TMPRSS15: variants seen among roughly 807,000 people sequenced by gnomAD.
TMPRSS15 encodes transmembrane serine protease 15, also known as enteropeptidase.
Under a neutral mutation model 125.3 loss-of-function variants are expected in TMPRSS15, and 128 were observed. That is an observed-to-expected ratio of 1.02 (90% CI 0.89 to 1.18). The LOEUF (loss-of-function observed/expected upper bound fraction) is 1.18. Ranked by LOEUF, TMPRSS15 falls within the 50% of genes most tolerant of loss-of-function variation. The probability of loss-of-function intolerance (pLI) is 0.00; values close to 1 mark genes in which losing one functional copy is unlikely to be tolerated. For synonymous variants in TMPRSS15, 446 were observed against 423.2 expected (o/e 1.05, Z -0.66); for missense variants, 1,283 against 1,212.7 (o/e 1.06, Z -0.86).
chr21:18,369,400 G>A (rs1321019751), intron 6 of TMPRSS15, among the ~76,000 whole-genome samples: 1 of 152,118 alleles, frequency 6.6e-6, no homozygotes, highest in Non-Finnish European at 1.5e-5. Flanking sequence ...TGGCTTAAAG[G>A]CTGTGAATCA....
At chr21:18,313,203 C>A in intron 17 of TMPRSS15, 126 bp from the exon 18 acceptor site, 1 of 746,822 alleles carries the variant, frequency 1.3e-6, no homozygotes, top group Non-Finnish European at 2.4e-6. Context: ...ATCTCTTGCA[C>A]AGCACTGTGA....
chr21:18,275,567 T>C (rs538451916), intron 23 of TMPRSS15, among the ~76,000 whole-genome samples: 2 of 152,208 alleles, frequency 1.3e-5, no homozygotes, highest in East Asian at 1.9e-4. Flanking sequence ...GAAGGGCTAG[T>C]AGGAGCGATG....
intron 1 of TMPRSS15, 44 bp downstream of exon 1, chr21:18,403,434 A>C: frequency 2.5e-6 from 4 of 1,613,674 alleles, no homozygotes; most frequent in South Asian, 2.2e-5. Flanking sequence ...AAGTGTGTAC[A>C]TTCAGCTGAG....
At chr21:18,353,559 C>T (rs890808589) in intron 9 of TMPRSS15, among the ~76,000 whole-genome samples, 164 bp downstream of exon 9, 4 of 151,620 alleles carry the variant, frequency 2.6e-5, no homozygotes, top group Non-Finnish European at 4.4e-5. Flanking sequence ...AAACCATTGT[C>T]CAATTTCTCA....
At chr21:18,420,432 CTTCAATAT>C in intron 1 of TMPRSS15, among the ~76,000 whole-genome samples, 1 of 42,456 alleles carries the variant, frequency 2.4e-5, no homozygotes. Context: ...AGGGAAAGAT[CTTCAATAT>C]TTGGAAGTAT....
chr21:18,383,702 T>C lies in TMPRSS15; in HGVS notation c.421A>G (p.Ile141Val), dbSNP rs367982925. Residue 141 changes from isoleucine to valine, a missense_variant, in exon 4 of 25, where the codon ATT becomes GTT. Physicochemically the swap from Ile to Val is conservative, Grantham distance 29 (BLOSUM62 3). Transcript: ENST00000284885. ...GATTTATTTGCTTCAAGGCCTTGAA[T>C]CAGTTCTTCTTTTACATTTTCATCT... ...VSDENVKEEL[I>V]QGLEANKSSQ... 6.2e-7 allele frequency: 1 copy of C among 1,614,018 alleles called. No individual in the cohort carries two copies. The highest frequency in any genetic ancestry group is 1.3e-5 in the African/African-American group (1 of 75,064).
At chr21:18,479,727 G>A (rs1469267113) in intron 1 of TMPRSS15, among the ~76,000 whole-genome samples, 1 of 151,984 alleles carries the variant, frequency 6.6e-6, no homozygotes, top group African/African-American at 2.4e-5. Context: ...TCATTAAAAA[G>A]TCAGGAAACA....
At position 18,372,210 on chromosome 21, in the gene TMPRSS15, T is replaced by G; in HGVS notation, c.647A>C (p.Glu216Ala). 1 of 1,610,422 alleles carries G rather than the reference T, an allele frequency of 6.2e-7. No individual in the cohort carries two copies. Residue 216 changes from glutamate to alanine, a missense_variant, in exon 6 of 25, where the codon GAA becomes GCA. By Grantham distance (107) the Glu-to-Ala change is moderately radical. Transcript: ENST00000284885. Reference sequence around the variant, plus strand: ...GAACTTACCACACATTTTATTGTCTTCGTCAGAACCATCTGGACAGTTTAC... The same window carrying G: ...GAACTTACCACACATTTTATTGTCTGCGTCAGAACCATCTGGACAGTTTAC... ...GEVNCPDGSDEDNKMCATVCD... is the reference protein window; with the variant it reads ...GEVNCPDGSDADNKMCATVCD...
At chr21:18,412,040 A>T (rs2076167258) in intron 1 of TMPRSS15, among the ~76,000 whole-genome samples, 1 of 152,120 alleles carries the variant, frequency 6.6e-6, no homozygotes, top group Non-Finnish European at 1.5e-5. Flanking sequence ...TGTTCTTCCC[A>T]ATCAGCTGCT....
At chr21:18,407,074 T>A (rs1435921022), upstream of TMPRSS15, among the ~76,000 whole-genome samples, 1 of 152,056 alleles carries the variant, frequency 6.6e-6, no homozygotes, top group Non-Finnish European at 1.5e-5. Context: ...GAAAAGAAAA[T>A]CATTTGTTTA....
chr21:18,284,613 G>A (rs765957292), intron 21 of TMPRSS15, among the ~76,000 whole-genome samples: 1 of 152,158 alleles, frequency 6.6e-6, no homozygotes, highest in Non-Finnish European at 1.5e-5. Flanking sequence ...CTCTTTTCTA[G>A]TAAAGGAAGG....
intron 7 of TMPRSS15, among the ~76,000 whole-genome samples, chr21:18,363,673 A>G (rs1359465558): frequency 2.0e-5 from 3 of 152,236 alleles, no homozygotes; most frequent in Admixed American, 1.3e-4. Flanking sequence ...GACCAATGCT[A>G]ATAGACATTT....
intron 5 of TMPRSS15, among the ~76,000 whole-genome samples, chr21:18,377,446 C>G (rs1164390808): frequency 6.6e-6 from 1 of 151,862 alleles, no homozygotes; most frequent in Non-Finnish European, 1.5e-5. Context: ...TCCTCCTGCT[C>G]CTTCTCAGTG....
intron 5 of TMPRSS15, among the ~76,000 whole-genome samples, chr21:18,372,579 C>T (rs1009900474): frequency 2.2e-4 from 33 of 152,136 alleles, no homozygotes; most frequent in African/African-American, 7.5e-4. Flanking sequence ...TACTCATAAG[C>T]TTATTATTTG....
intron 8 of TMPRSS15, among the ~76,000 whole-genome samples, chr21:18,355,372 G>C (rs889570509): frequency 6.6e-6 from 1 of 151,770 alleles, no homozygotes; most frequent in Non-Finnish European, 1.5e-5. Flanking sequence ...TAATAGAACT[G>C]TGCTAGTCTA....
intron 24 of TMPRSS15, among the ~76,000 whole-genome samples, chr21:18,272,138 C>T (rs1317175672): frequency 6.6e-6 from 1 of 152,114 alleles, no homozygotes; most frequent in Non-Finnish European, 1.5e-5. Flanking sequence ...GAGGAATTGC[C>T]ACGCTGTCTT....
At chr21:18,362,723 AT>A (rs1187888675) in intron 7 of TMPRSS15, among the ~76,000 whole-genome samples, 4 of 152,158 alleles carry the variant, frequency 2.6e-5, no homozygotes, top group Admixed American at 2.6e-4. Flanking sequence ...TTTATTGAGC[AT>A]TTAATATGTG....
intron 1 of TMPRSS15, among the ~76,000 whole-genome samples, chr21:18,416,928 G>T (rs1177997658): frequency 6.6e-6 from 1 of 151,988 alleles, no homozygotes; most frequent in African/African-American, 2.4e-5. Flanking sequence ...CAGATTTTGA[G>T]ATACACCATG....
At chr21:18,365,574 TTCTC>T (rs10655380) in intron 6 of TMPRSS15, among the ~76,000 whole-genome samples, 8 of 100,270 alleles carry the variant, frequency 8.0e-5, no homozygotes, top group East Asian at 2.7e-4. Flanking sequence ...TTCTCTCTCT[TTCTC>T]TCTTTTTCCT....
Sources: gnomAD v4.1 joint callset for allele counts (sites outside exome capture counted in the v4.1 genomes callset) on GRCh38, gnomAD v4.1.1 for gene constraint, MANE v1.5 for transcripts, NCBI Gene and HGNC (gene_info 2026-07-23, HGNC 2026-07-21) for gene names.